CSMD1: variants seen among roughly 807,000 people sequenced by gnomAD.
CSMD1 encodes the protein CUB and sushi domain-containing protein 1.
CSMD1 carries 213 observed loss-of-function variants against 417.5 expected under a neutral mutation model. The observed-to-expected ratio is 0.51, with a 90% confidence interval of 0.46 to 0.57. CSMD1 has a LOEUF of 0.57. Among genes scored for constraint, CSMD1 ranks in the 20% least tolerant of loss-of-function variants. The pLI, the probability that CSMD1 is intolerant of heterozygous loss-of-function variation, is 0.00. For synonymous variants in CSMD1, 2,862 were observed against 1,736.8 expected, an observed-to-expected ratio of 1.65 and a Z score of -16.11; for missense variants, 6,923 against 4,529.7, an observed-to-expected ratio of 1.53 and a Z score of -15.17.
intron 3 of CSMD1, among the ~76,000 whole-genome samples, chr8:4,402,983 C>G (rs1804750225): frequency 6.6e-6 from 1 of 151,680 alleles, no homozygotes; most frequent in African/African-American, 2.4e-5. Context: ...CCATGCCTGG[C>G]TAATTTTCTT....
intron 3 of CSMD1, among the ~76,000 whole-genome samples, chr8:4,215,914 G>T (rs1223304686): frequency 6.6e-6 from 1 of 152,174 alleles, no homozygotes; most frequent in Non-Finnish European, 1.5e-5. Context: ...AGAACAAAGA[G>T]AACGTGGATT....
chr8:3,456,123 T>C (rs912496582), intron 12 of CSMD1, among the ~76,000 whole-genome samples: 1 of 152,208 alleles, frequency 6.6e-6, no homozygotes, highest in Admixed American at 6.5e-5. Flanking sequence ...GTGCAGGATA[T>C]AATCTCCTGG....
At chr8:3,206,600 C>T (rs1797300065) in intron 30 of CSMD1, among the ~76,000 whole-genome samples, 1 of 105,188 alleles carries the variant, frequency 9.5e-6, no homozygotes, top group African/African-American at 3.9e-5. Flanking sequence ...GGGCGTATGT[C>T]TGTATGTGTG....
chr8:4,892,153 G>A (rs974606496), intron 1 of CSMD1, among the ~76,000 whole-genome samples: 3 of 152,038 alleles, frequency 2.0e-5, no homozygotes, highest in East Asian at 1.9e-4. Context: ...CCTGCAATTT[G>A]AACAAAGTAG....
chr8:3,619,441 G>T (rs1802309734), intron 7 of CSMD1, among the ~76,000 whole-genome samples: 1 of 151,702 alleles, frequency 6.6e-6, no homozygotes, highest in Non-Finnish European at 1.5e-5. Context: ...CCATTCAAAG[G>T]GTCGAAATAA....
At chr8:3,776,807 G>GATAGATAGATATATATAT (rs1554432749) in intron 5 of CSMD1, among the ~76,000 whole-genome samples, 1 of 139,938 alleles carries the variant, frequency 7.1e-6, no homozygotes, top group Admixed American at 6.9e-5. Flanking sequence ...ATATAGACGA[G>GATAGATAGATATATATAT]ATATATATAT....
intron 8 of CSMD1, among the ~76,000 whole-genome samples, chr8:3,615,925 A>T (rs529265796): frequency 2.0e-5 from 3 of 152,346 alleles, no homozygotes; most frequent in Non-Finnish European, 2.9e-5. Context: ...CTAAAGTAAT[A>T]GGACTATTAT....
At chr8:3,743,437 G>T (rs1331203492) in intron 6 of CSMD1, among the ~76,000 whole-genome samples, 1 of 152,194 alleles carries the variant, frequency 6.6e-6, no homozygotes, top group South Asian at 2.1e-4. Context: ...AAAATAATAA[G>T]TATTATGTGG....
At chr8:4,594,349 G>A (rs931122352) in intron 2 of CSMD1, among the ~76,000 whole-genome samples, 4 of 151,714 alleles carry the variant, frequency 2.6e-5, no homozygotes, top group Admixed American at 2.6e-4. Flanking sequence ...GAATACAGGC[G>A]CCAGCATGCC....
At chr8:3,249,702 A>T (rs187057762) in intron 26 of CSMD1, among the ~76,000 whole-genome samples, 4 of 152,338 alleles carry the variant, frequency 2.6e-5, no homozygotes, top group East Asian at 1.9e-4. Flanking sequence ...GTGAAAAAGA[A>T]ATAATAGACA....
At chr8:3,609,038 G>T (rs1563196229) in intron 8 of CSMD1, among the ~76,000 whole-genome samples, 1 of 152,186 alleles carries the variant, frequency 6.6e-6, no homozygotes, top group South Asian at 2.1e-4. Flanking sequence ...CATAGTGAGT[G>T]TAAAAACTTC....
At chr8:4,510,390 TAAAAAAAAAAAAAAAAA>T (rs34791623) in intron 2 of CSMD1, among the ~76,000 whole-genome samples, 3 of 54,620 alleles carry the variant, frequency 5.5e-5, no homozygotes, top group African/African-American at 7.7e-5. Context: ...GCATAATGCC[TAAAAAAAAAAAAAAAAA>T]AAAAAAAAAA....
chr8:3,363,512 CTTATTTAT>C (rs72391770), intron 20 of CSMD1, among the ~76,000 whole-genome samples: 3 of 150,770 alleles, frequency 2.0e-5, no homozygotes, highest in Non-Finnish European at 3.0e-5. Context: ...TGTAGAAAGG[CTTATTTAT>C]TTATTTATTT....
intron 17 of CSMD1, among the ~76,000 whole-genome samples, chr8:3,390,574 A>G (rs1371835057): frequency 6.6e-6 from 1 of 152,094 alleles, no homozygotes; most frequent in Non-Finnish European, 1.5e-5. Context: ...AACGACGTGT[A>G]TATTCAGAGT....
At chr8:3,209,419 C>A (rs1283222013) in intron 30 of CSMD1, among the ~76,000 whole-genome samples, 1 of 152,034 alleles carries the variant, frequency 6.6e-6, no homozygotes, top group Non-Finnish European at 1.5e-5. Context: ...CGGGTTCATG[C>A]CATTCTCCTG....
At chr8:3,576,339 T>A (rs1419926329) in intron 9 of CSMD1, among the ~76,000 whole-genome samples, 1 of 147,812 alleles carries the variant, frequency 6.8e-6, no homozygotes, top group Non-Finnish European at 1.5e-5. Context: ...TTCTTTAATC[T>A]GTAATCTACT....
chr8:4,447,798 C>T (rs137977264), intron 2 of CSMD1, among the ~76,000 whole-genome samples: 9 of 151,576 alleles, frequency 5.9e-5, no homozygotes, highest in Non-Finnish European at 8.8e-5. Flanking sequence ...AGAAAATAAA[C>T]GAACACAACT....
chr8:3,651,468 C>A (rs1451415499), intron 7 of CSMD1, among the ~76,000 whole-genome samples: 1 of 152,070 alleles, frequency 6.6e-6, no homozygotes, highest in African/African-American at 2.4e-5. Context: ...TTCTGACTTC[C>A]CTTTCTAGAA....
chr8:3,822,457 T>C (rs1029474308), intron 5 of CSMD1, among the ~76,000 whole-genome samples: 2 of 152,170 alleles, frequency 1.3e-5, no homozygotes, highest in African/African-American at 4.8e-5. Context: ...CAAAGAACAA[T>C]AGGTATTCCT....
Sources: gnomAD v4.1 joint callset for allele counts (sites outside exome capture counted in the v4.1 genomes callset) on GRCh38, gnomAD v4.1.1 for gene constraint, MANE v1.5 for transcripts, NCBI Gene and HGNC (gene_info 2026-07-23, HGNC 2026-07-21) for gene names.